CACNA1S: variants seen among roughly 807,000 people sequenced by gnomAD.
The protein encoded by CACNA1S is calcium voltage-gated channel subunit alpha1 S, also known as voltage-dependent L-type calcium channel subunit alpha-1S.
In CACNA1S, 126 loss-of-function variants were observed where a neutral mutation model predicts 207.4. The ratio of observed to expected loss-of-function variants is 0.61; its 90% CI spans 0.53 to 0.70. The LOEUF is 0.70. CACNA1S is among the 30% of genes least tolerant of loss of function. CACNA1S has a pLI of 0.00. For synonymous variants in CACNA1S, 960 were observed against 932.7 expected, an observed-to-expected ratio of 1.03 and a Z score of -0.53; for missense variants, 2,349 against 2,422.8, an observed-to-expected ratio of 0.97 and a Z score of 0.64.
chr1:201,068,450 C>T (rs1164759719), intron 19 of CACNA1S, among the ~76,000 whole-genome samples: 3 of 150,284 alleles, frequency 2.0e-5, no homozygotes, highest in Admixed American at 6.6e-5. Flanking sequence ...ATCATGTTGG[C>T]CAGGCTGGTC....
chr1:201,093,742 C>T, intron 3 of CACNA1S, 140 bp downstream of exon 3: 1 of 1,071,292 alleles, frequency 9.3e-7, no homozygotes, highest in East Asian at 2.5e-5. Context: ...CTGGGCCGGC[C>T]TCTAACAGAG....
At chr1:201,095,498 C>G (rs1021609396) in intron 2 of CACNA1S, among the ~76,000 whole-genome samples, 1 of 152,164 alleles carries the variant, frequency 6.6e-6, no homozygotes, top group Non-Finnish European at 1.5e-5. Context: ...CCCCAAATGG[C>G]TCACTATTGT....
intron 1 of CACNA1S, among the ~76,000 whole-genome samples, chr1:201,111,085 G>C (rs545134892): frequency 6.6e-6 from 1 of 152,314 alleles, no homozygotes; most frequent in African/African-American, 2.4e-5. Context: ...GCAGAGGATG[G>C]AGGAGAGGGA....
At chr1:201,081,389 C>A (rs1056310569) in intron 10 of CACNA1S, among the ~76,000 whole-genome samples, 6 of 152,208 alleles carry the variant, frequency 3.9e-5, no homozygotes, top group Non-Finnish European at 8.8e-5. Flanking sequence ...GGGGAGGGCA[C>A]TGAGTTTGTC....
intron 16 of CACNA1S, among the ~76,000 whole-genome samples, chr1:201,072,144 G>C (rs189642584): frequency 6.6e-6 from 1 of 152,236 alleles, no homozygotes; most frequent in East Asian, 1.9e-4. Flanking sequence ...ATTCAGCCTG[G>C]TTCTGCTTGT....
chr1:201,094,370 C>T (rs1227338357), intron 2 of CACNA1S, among the ~76,000 whole-genome samples: 1 of 152,126 alleles, frequency 6.6e-6, no homozygotes, highest in Non-Finnish European at 1.5e-5. Context: ...ATATATTATA[C>T]ATATAAAATC....
chr1:201,084,735 T>C (rs914373562), intron 9 of CACNA1S, among the ~76,000 whole-genome samples: 1 of 152,188 alleles, frequency 6.6e-6, no homozygotes, highest in Admixed American at 6.5e-5. Context: ...AAATAGGTCA[T>C]CTGCTCAGGA....
Position 201,110,275 on chromosome 1 carries a change from G to A in CACNA1S, c.153-6C>T. On this transcript the variant is annotated splice_polypyrimidine_tract_variant and splice_region_variant and intron_variant, in intron 1 of 43. Transcript: ENST00000362061. ...AGATGATCGTCTCGAAGGGCCTGGAGCCAGGGTTAAGGAGAGCCCTCGAGT... is the reference window on the plus strand; with the variant it reads ...AGATGATCGTCTCGAAGGGCCTGGAACCAGGGTTAAGGAGAGCCCTCGAGT... The A allele has an allele frequency of 6.2e-7, 1 of 1,613,934 alleles. No individual in the cohort carries two copies. Among genetic ancestry groups the A allele is most frequent in the South Asian group, 1.1e-5 (1 of 91,078 alleles).
At chr1:201,111,256 C>T (rs1377868386) in intron 1 of CACNA1S, among the ~76,000 whole-genome samples, 2 of 152,128 alleles carry the variant, frequency 1.3e-5, no homozygotes, top group Non-Finnish European at 2.9e-5. Context: ...TCTTGTCCTT[C>T]CAGTTATCCC....
chr1:201,066,939 T>G lies in CACNA1S; in HGVS notation c.2605A>C (p.Asn869His). ...HKGSFCRNYFNMLDLLVVAVS... is the reference protein window; with the variant it reads ...HKGSFCRNYFHMLDLLVVAVS... ...GCCACCACCAGCAGGTCCAGCATGTTGAAGTAATTGCGGCAGAAGGAACCC... is the reference window on the plus strand; with the variant it reads ...GCCACCACCAGCAGGTCCAGCATGTGGAAGTAATTGCGGCAGAAGGAACCC... The change falls in exon 20 of 44, where the codon AAC becomes CAC. Residue 869 changes from asparagine to histidine, a missense_variant. By Grantham distance (68) the Asn-to-His change is moderately conservative. Transcript: ENST00000362061. The surrounding 1 kb of genome is among the most constrained non-coding windows in gnomAD (Gnocchi z 4.3). 1 of 1,614,172 alleles carries G rather than the reference T, an allele frequency of 6.2e-7. No homozygotes were observed. Among genetic ancestry groups the G allele is most frequent in the Non-Finnish European group, 8.5e-7 (1 of 1,180,008 alleles).
Position 201,053,419 on chromosome 1 carries a change from C to T in CACNA1S, c.3795+40G>A, listed in dbSNP as rs573598245. 3.1e-6 allele frequency: 5 copies of T among 1,614,050 alleles called. 1 individual carries two copies. In the South Asian group the frequency reaches 4.4e-5, roughly 14 times the overall value. On this transcript the variant is annotated intron_variant, in intron 30 of 43. Transcript: ENST00000362061. This position sits in a 1 kb window ranked among gnomAD's most constrained non-coding sequence, Gnocchi z 5.1. ...GGGCTGAGGCAGATGTCCCTAGTGG[C>T]CTCCCCAGGTACGTGCAGTTTCCAG...
At chr1:201,095,563 A>C (rs1002579101) in intron 2 of CACNA1S, among the ~76,000 whole-genome samples, 9 of 152,242 alleles carry the variant, frequency 5.9e-5, no homozygotes, top group Non-Finnish European at 1.2e-4. Context: ...TCCTGAAAGC[A>C]TGATTTTCCC....
At chr1:201,090,110 T>C (rs1298330349) in intron 5 of CACNA1S, among the ~76,000 whole-genome samples, 1 of 152,214 alleles carries the variant, frequency 6.6e-6, no homozygotes, top group African/African-American at 2.4e-5. Flanking sequence ...TCATCAGAAC[T>C]GGAACACCCT....
chr1:201,089,229 T>C (rs772090240), intron 6 of CACNA1S, 29 bp downstream of exon 6: 29 of 1,607,828 alleles, frequency 1.8e-5, no homozygotes, highest in Admixed American at 1.7e-5. Flanking sequence ...TGAAGGGAGA[T>C]GGTTCTGCAG....
At position 201,047,890 on chromosome 1, in the gene CACNA1S, C is replaced by T. The variant is rs78018155; in HGVS notation, c.4442-264G>A. Reference sequence around the variant, plus strand: ...AGTGGTTGGTTTTACAGGCTGTCATCTCCTGCTCTTCTTCCAAAATCTTTC... The same window carrying T: ...AGTGGTTGGTTTTACAGGCTGTCATTTCCTGCTCTTCTTCCAAAATCTTTC... On this transcript the variant is annotated intron_variant, in intron 36 of 43. Coordinates refer to ENST00000362061, the MANE Select transcript of CACNA1S (RefSeq NM_000069.3). Among the ~76,000 whole-genome samples, 53 of 152,346 alleles carry T rather than the reference C, an allele frequency of 3.5e-4. 1 individual carries two copies. In the East Asian group the frequency reaches 9.3e-3, roughly 27 times the overall value.
intron 6 of CACNA1S, among the ~76,000 whole-genome samples, chr1:201,089,035 T>C (rs940320488): frequency 7.9e-5 from 12 of 152,302 alleles, no homozygotes; most frequent in Non-Finnish European, 1.6e-4. Flanking sequence ...TGCACAGACA[T>C]ATTGTATCAT....
At position 201,052,652 on chromosome 1, in the gene CACNA1S, C is replaced by T; in HGVS notation, c.3862-4G>A. ...CCAAGGCGATCTTCCCAAACATCTGCAAGTCACAAAGGGCCCTGACTGTGG... is the reference window on the plus strand; with the variant it reads ...CCAAGGCGATCTTCCCAAACATCTGTAAGTCACAAAGGGCCCTGACTGTGG... On this transcript the variant is annotated splice_polypyrimidine_tract_variant and splice_region_variant and intron_variant, in intron 31 of 43. Coordinates refer to ENST00000362061, the MANE Select transcript of CACNA1S (RefSeq NM_000069.3). The T allele has an allele frequency of 6.2e-7, 1 of 1,612,432 alleles. No individual in the cohort carries two copies. Among genetic ancestry groups the T allele is most frequent in the Non-Finnish European group, 8.5e-7 (1 of 1,178,602 alleles).
intron 12 of CACNA1S, among the ~76,000 whole-genome samples, chr1:201,076,195 C>T (rs1405124941): frequency 2.0e-5 from 3 of 152,226 alleles, no homozygotes; most frequent in Non-Finnish European, 4.4e-5. Flanking sequence ...CACTGTGCTT[C>T]ACCCACCCAG....
intron 25 of CACNA1S, 111 bp downstream of exon 25, chr1:201,061,156 C>A: frequency 1.1e-6 from 1 of 918,696 alleles, no homozygotes; most frequent in Non-Finnish European, 1.7e-6. Flanking sequence ...GCATCAAATG[C>A]AGGTTCTGGG....
Sources: gnomAD v4.1 joint callset for allele counts (sites outside exome capture counted in the v4.1 genomes callset) on GRCh38, gnomAD v4.1.1 for gene constraint, Gnocchi (gnomAD v3.1) non-coding constraint, MANE v1.5 for transcripts, NCBI Gene and HGNC (gene_info 2026-07-23, HGNC 2026-07-21) for gene names.